The following FAAH2 variants were observed in gnomAD, a reference collection of about 807,000 sequenced individuals.
FAAH2 encodes fatty acid amide hydrolase 2.
A neutral mutation model predicts 36.9 loss-of-function variants in FAAH2; 60 were observed. That is an observed-to-expected ratio of 1.63 (90% CI 1.32 to 2.02). The LOEUF (loss-of-function observed/expected upper bound fraction) is 2.02, where lower values mean the gene tolerates loss of function less well. Among genes scored for constraint, FAAH2 ranks in the 30% most tolerant of loss-of-function variants. FAAH2 has a pLI of 0.00. For missense variants in FAAH2, 689 were observed against 397.5 expected, an observed-to-expected ratio of 1.73 and a Z score of -6.23; for synonymous variants, 214 against 143.8, an observed-to-expected ratio of 1.49 and a Z score of -3.49.
chrX:57,286,323 T>C (rs372353153), upstream of FAAH2, among the ~76,000 whole-genome samples: 49 of 112,209 alleles, frequency 4.4e-4, no homozygotes, highest in African/African-American at 1.5e-3. Context: ...AAAGGTATAC[T>C]TACAACACTT....
chrX:57,271,349 T>C, the FAAH2 span, among the ~76,000 whole-genome samples: 1 of 112,129 alleles, frequency 8.9e-6, no homozygotes, highest in Non-Finnish European at 1.9e-5. Context: ...ATAGCAGACA[T>C]AAAAGTTCCT....
chrX:57,232,646 A>G, the FAAH2 span, among the ~76,000 whole-genome samples: 1 of 112,332 alleles, frequency 8.9e-6, no homozygotes, highest in Admixed American at 9.4e-5. Flanking sequence ...GACATATTCA[A>G]TTCTGTATTT....
At chrX:57,213,217 CTTCTT>C in the FAAH2 span, among the ~76,000 whole-genome samples, 1 of 111,372 alleles carries the variant, frequency 9.0e-6, no homozygotes, top group African/African-American at 3.3e-5. Context: ...GATCTTCTCT[CTTCTT>C]TTCTTGGGTG....
the FAAH2 span, among the ~76,000 whole-genome samples, chrX:57,217,532 A>G: frequency 1.8e-5 from 2 of 111,827 alleles, no homozygotes; most frequent in African/African-American, 6.5e-5. Flanking sequence ...TATTTGTTGA[A>G]AAGGGTGTCT....
chrX:57,371,884 G>A (rs192464561), intron 5 of FAAH2, among the ~76,000 whole-genome samples: 105 of 111,565 alleles, frequency 9.4e-4, no homozygotes, highest in Non-Finnish European at 9.1e-4. Context: ...ACACTTATAA[G>A]TAAGAAGATG....
chrX:57,355,249 T>C (rs1374550735), intron 5 of FAAH2, among the ~76,000 whole-genome samples: 1 of 111,268 alleles, frequency 9.0e-6, no homozygotes, highest in African/African-American at 3.2e-5. Flanking sequence ...AAATTTAAAA[T>C]TGGCTTCTTT....
chrX:57,420,326 A>C (rs1249362567), intron 7 of FAAH2, among the ~76,000 whole-genome samples: 1 of 111,577 alleles, frequency 9.0e-6, no homozygotes, highest in Non-Finnish European at 1.9e-5. Context: ...GGCCATTTTC[A>C]TGATATTGAT....
Position 57,388,441 on chromosome X carries a change from T to A in FAAH2, c.996+7412T>A, listed in dbSNP as rs1434549063. Among the ~76,000 whole-genome samples the A allele has an allele frequency of 5.4e-5, 6 of 111,308 alleles. No homozygotes were observed. The Admixed American group carries it at 5.7e-4, about 11-fold the overall frequency. The stretch of plus-strand genomic sequence containing the variant: ...TACTTTTACCTATTTTGTAGAAAAA[T>A]ATGCCAAGGCCTTGTGTGCTGTTGG... On this transcript the variant is annotated intron_variant, in intron 7 of 10. Transcript: ENST00000374900.
chrX:57,384,964 G>T (rs1348512191), intron 7 of FAAH2, among the ~76,000 whole-genome samples: 1 of 111,619 alleles, frequency 9.0e-6, no homozygotes, highest in Admixed American at 9.5e-5. Flanking sequence ...AAAATGATGA[G>T]TTCATGTCAT....
At chrX:57,152,915 C>CCG in the FAAH2 span, among the ~76,000 whole-genome samples, 11 of 110,307 alleles carry the variant, frequency 1.0e-4, no homozygotes, top group Admixed American at 2.9e-4. Context: ...TTGGCTCCCC[C>CCG]CCCGCTGACC....
intron 7 of FAAH2, among the ~76,000 whole-genome samples, chrX:57,383,677 T>A (rs184551176): frequency 1.8e-5 from 2 of 111,698 alleles, no homozygotes; most frequent in African/African-American, 6.5e-5. Flanking sequence ...TAAAAGAGGA[T>A]ACAAACAACT....
At chrX:57,389,987 T>C (rs1259239892) in intron 7 of FAAH2, among the ~76,000 whole-genome samples, 1 of 110,603 alleles carries the variant, frequency 9.0e-6, no homozygotes, top group Non-Finnish European at 1.9e-5. Context: ...CAGTTGCATG[T>C]CTCCTTTGAA....
At chrX:57,371,219 A>G (rs1768411417) in intron 5 of FAAH2, among the ~76,000 whole-genome samples, 1 of 111,609 alleles carries the variant, frequency 9.0e-6, no homozygotes, top group East Asian at 2.8e-4. Context: ...AGCTCCCAAT[A>G]GGTACCTTTT....
the FAAH2 span, among the ~76,000 whole-genome samples, chrX:57,234,665 C>T: frequency 9.0e-6 from 1 of 111,251 alleles, no homozygotes; most frequent in African/African-American, 3.3e-5. Context: ...CAATAGGGTT[C>T]AATCTCCTGT....
chrX:57,327,100 G>A (rs754046678), intron 3 of FAAH2, among the ~76,000 whole-genome samples: 8 of 108,171 alleles, frequency 7.4e-5, no homozygotes, highest in African/African-American at 2.4e-4. Flanking sequence ...CACTTATGAA[G>A]CTTAGTTTGG....
chrX:57,299,753 C>G (rs993939760), intron 2 of FAAH2, among the ~76,000 whole-genome samples: 1 of 112,006 alleles, frequency 8.9e-6, no homozygotes, highest in Admixed American at 9.5e-5. Context: ...GCAACTTCAG[C>G]AAAGTCTCAG....
At chrX:57,308,892 G>A (rs1191699390) in intron 2 of FAAH2, among the ~76,000 whole-genome samples, 1 of 111,631 alleles carries the variant, frequency 9.0e-6, no homozygotes, top group African/African-American at 3.2e-5. Context: ...AAATGAAAGA[G>A]CTTGCATAGT....
intron 5 of FAAH2, among the ~76,000 whole-genome samples, chrX:57,373,090 G>T (rs2054591802): frequency 9.0e-6 from 1 of 111,092 alleles, no homozygotes; most frequent in Non-Finnish European, 1.9e-5. Context: ...GTATTCCAAG[G>T]TATATCATGG....
the FAAH2 span, among the ~76,000 whole-genome samples, chrX:57,168,335 C>G: frequency 9.1e-6 from 1 of 109,696 alleles, no homozygotes; most frequent in Non-Finnish European, 1.9e-5. Flanking sequence ...ACTGGAGCAT[C>G]ATTTGTTCTA....
Sources: gnomAD v4.1 joint callset for allele counts (sites outside exome capture counted in the v4.1 genomes callset) on GRCh38, gnomAD v4.1.1 for gene constraint, MANE v1.5 for transcripts, NCBI Gene and HGNC (gene_info 2026-07-23, HGNC 2026-07-21) for gene names.